ATF1: variants seen among roughly 807,000 people sequenced by gnomAD.
ATF1 encodes activating transcription factor 1.
A neutral mutation model predicts 34.7 loss-of-function variants in ATF1; 16 were observed. That is an observed-to-expected ratio of 0.46 (90% CI 0.31 to 0.70). The LOEUF is 0.70. ATF1 is among the 30% of genes least tolerant of loss of function. The pLI, the probability that ATF1 is intolerant of heterozygous loss-of-function variation, is 0.05. For synonymous variants in ATF1, 105 were observed against 113.1 expected (o/e 0.93, Z 0.46); for missense variants, 255 against 321.6 (o/e 0.79, Z 1.58).
intron 1 of ATF1, among the ~76,000 whole-genome samples, chr12:50,776,700 T>C (rs1281209204): frequency 2.0e-5 from 3 of 152,174 alleles, no homozygotes; most frequent in Non-Finnish European, 2.9e-5. Context: ...CAGAAAACTT[T>C]AAATATTTCC....
intron 3 of ATF1, among the ~76,000 whole-genome samples, 192 bp from the exon 4 acceptor site, chr12:50,809,264 C>A (rs1445397495): frequency 1.3e-5 from 2 of 150,432 alleles, no homozygotes; most frequent in Non-Finnish European, 1.5e-5. Context: ...GTCTCAGCTA[C>A]TTGGGAGGCT....
chr12:50,770,061 A>G (rs1280433393), intron 1 of ATF1, among the ~76,000 whole-genome samples: 1 of 152,212 alleles, frequency 6.6e-6, no homozygotes, highest in Non-Finnish European at 1.5e-5. Flanking sequence ...AGCTATTTAC[A>G]GTTCATAGCA....
At chr12:50,772,601 C>G (rs1164665001) in intron 1 of ATF1, among the ~76,000 whole-genome samples, 1 of 152,122 alleles carries the variant, frequency 6.6e-6, no homozygotes, top group Non-Finnish European at 1.5e-5. Context: ...TCTGGGATTA[C>G]AGGTGTGACC....
intron 1 of ATF1, among the ~76,000 whole-genome samples, chr12:50,775,184 A>G (rs1940886609): frequency 1.3e-5 from 2 of 151,778 alleles, no homozygotes; most frequent in Admixed American, 6.6e-5. Context: ...GACTCAAGCA[A>G]TCCTCCTGCC....
intron 2 of ATF1, 94 bp from the exon 3 acceptor site, chr12:50,795,815 G>A: frequency 1.1e-6 from 1 of 875,574 alleles, no homozygotes. Context: ...AATTGGAGTG[G>A]CAGGAGACAG....
intron 2 of ATF1, among the ~76,000 whole-genome samples, chr12:50,791,599 A>C (rs982355245): frequency 6.6e-6 from 1 of 152,100 alleles, no homozygotes; most frequent in African/African-American, 2.4e-5. Flanking sequence ...TTGGAGCCCA[A>C]TGTGAAGAAG....
At chr12:50,782,234 GTTTT>G (rs200221395) in intron 2 of ATF1, among the ~76,000 whole-genome samples, 3 of 138,820 alleles carry the variant, frequency 2.2e-5, no homozygotes, top group South Asian at 4.4e-4. Context: ...TTCTTTTTCT[GTTTT>G]TTTTGTTTGT....
chr12:50,776,690 C>G (rs966992701), intron 1 of ATF1, among the ~76,000 whole-genome samples: 5 of 151,986 alleles, frequency 3.3e-5, no homozygotes, highest in Non-Finnish European at 5.9e-5. Context: ...ACAATTCATT[C>G]AGAAAACTTT....
chr12:50,766,337 C>T lies in ATF1; in HGVS notation c.-7+2030C>T, dbSNP rs546666442. Among the ~76,000 whole-genome samples the T allele has an allele frequency of 2.0e-5, 3 of 152,220 alleles. No homozygotes were observed. The South Asian group carries it at 6.2e-4, about 32-fold the overall frequency. On this transcript the variant is annotated intron_variant, in intron 1 of 6. Transcript: ENST00000262053. ...CTTCTAAGATATAGGGAGTTAGAGTCCCTCTCAGGTAACTCCCTCTCAGCT... is the reference window on the plus strand; with the variant it reads ...CTTCTAAGATATAGGGAGTTAGAGTTCCTCTCAGGTAACTCCCTCTCAGCT...
At chr12:50,777,780 C>CA (rs34713526) in intron 1 of ATF1, among the ~76,000 whole-genome samples, 87,772 of 144,918 alleles carry the variant, frequency 0.61, 26,593 homozygotes, top group South Asian at 0.7. Context: ...GACCCTGTCT[C>CA]AAAAAAAAAA....
intron 6 of ATF1, among the ~76,000 whole-genome samples, chr12:50,818,207 C>T (rs1941881850): frequency 6.6e-6 from 1 of 152,044 alleles, no homozygotes; most frequent in Admixed American, 6.5e-5. Flanking sequence ...GACACCGTGA[C>T]CAGGAGTGAG....
At chr12:50,813,144 AAGCATGAACAC>A (rs1384116103) in intron 4 of ATF1, among the ~76,000 whole-genome samples, 2 of 152,232 alleles carry the variant, frequency 1.3e-5, no homozygotes, top group African/African-American at 4.8e-5. Flanking sequence ...GCTGAGGAGA[AAGCATGAACAC>A]AGGTATAATT....
rs1941936779 is a variant in ATF1, at chr12:50,820,898, A to G, written c.*1119A>G. ...TATAGTTTAGTAAAATTTGCATCTC[A>G]AAGTATCATTTTTATATTATGGGAC... On this transcript the variant is annotated 3_prime_UTR_variant, in exon 7 of 7. Transcript: ENST00000262053. 1 of 179,328 alleles carries G rather than the reference A, an allele frequency of 5.6e-6. No homozygotes were observed. The highest frequency in any genetic ancestry group is 2.4e-5 in the African/African-American group (1 of 42,342). 11.1% of individuals were successfully genotyped at this position (179,328 alleles called of 1,614,324 possible).
chr12:50,802,743 G>A (rs536349955), intron 3 of ATF1, among the ~76,000 whole-genome samples: 29 of 151,078 alleles, frequency 1.9e-4, no homozygotes, highest in Non-Finnish European at 3.4e-4. Flanking sequence ...GTGGTGGCCC[G>A]CACCTGTAGT....
chr12:50,776,427 A>T (rs1940925926), intron 1 of ATF1, among the ~76,000 whole-genome samples: 1 of 149,110 alleles, frequency 6.7e-6, no homozygotes, highest in Non-Finnish European at 1.5e-5. Context: ...CAGTAGATTG[A>T]GACTGCAGTG....
intron 6 of ATF1, among the ~76,000 whole-genome samples, chr12:50,816,000 A>T (rs563465084): frequency 1.3e-5 from 2 of 152,216 alleles, no homozygotes; most frequent in Non-Finnish European, 2.9e-5. Flanking sequence ...ATTCTCACTT[A>T]TATGTGGGAG....
chr12:50,791,106 G>T (rs1449704299), intron 2 of ATF1, among the ~76,000 whole-genome samples: 1 of 152,126 alleles, frequency 6.6e-6, no homozygotes, highest in African/African-American at 2.4e-5. Flanking sequence ...CAGTTAGAAT[G>T]GCATTGTTTG....
intron 1 of ATF1, among the ~76,000 whole-genome samples, chr12:50,775,388 G>A (rs1940893342): frequency 1.3e-5 from 2 of 151,642 alleles, no homozygotes; most frequent in Admixed American, 6.6e-5. Context: ...TCTGAAACAG[G>A]GTCTTGCTGT....
intron 1 of ATF1, among the ~76,000 whole-genome samples, chr12:50,767,987 G>C (rs12301934): frequency 0.048 from 7,278 of 151,678 alleles, 595 homozygotes; most frequent in African/African-American, 0.17. Context: ...ATTTGCCTGC[G>C]TCATCTTCCC....
Sources: allele counts gnomAD v4.1 joint callset (sites outside exome capture counted in the v4.1 genomes callset), GRCh38; gene constraint gnomAD v4.1.1; transcripts MANE v1.5; gene names NCBI Gene and HGNC (gene_info 2026-07-23, HGNC 2026-07-21).